Variants in ARHGAP39 observed in about 807,000 individuals in gnomAD.
ARHGAP39 encodes the protein rho GTPase-activating protein 39.
Under a neutral mutation model 106.9 loss-of-function variants are expected in ARHGAP39, and 44 were observed. That is an observed-to-expected ratio of 0.41 (90% CI 0.32 to 0.53). The LOEUF is 0.53. ARHGAP39 is among the 20% of genes least tolerant of loss of function. ARHGAP39 has a pLI of 0.21. For synonymous variants in ARHGAP39, 768 were observed against 693.2 expected (o/e 1.11, Z -1.69); for missense variants, 1,496 against 1,577.3 (o/e 0.95, Z 0.87).
intron 2 of ARHGAP39, among the ~76,000 whole-genome samples, chr8:144,605,064 T>G (rs986842232): frequency 6.6e-6 from 1 of 152,098 alleles, no homozygotes; most frequent in Admixed American, 6.5e-5. Context: ...CCCAGGAGTT[T>G]GAGACCAGCC....
intron 3 of ARHGAP39, among the ~76,000 whole-genome samples, chr8:144,569,527 AAG>A (rs1818513802): frequency 6.6e-6 from 1 of 152,220 alleles, no homozygotes; most frequent in Non-Finnish European, 1.5e-5. Flanking sequence ...ACAGACAAAA[AAG>A]AGTGCATACT....
the ARHGAP39 span, among the ~76,000 whole-genome samples, chr8:144,695,984 G>A: frequency 6.6e-6 from 1 of 152,160 alleles, no homozygotes; most frequent in Non-Finnish European, 1.5e-5. Flanking sequence ...CTAAGGGAGA[G>A]TCAATTCAGG....
chr8:144,657,428 C>G (rs1019325652), intron 1 of ARHGAP39, among the ~76,000 whole-genome samples: 1 of 152,114 alleles, frequency 6.6e-6, no homozygotes, highest in Non-Finnish European at 1.5e-5. Flanking sequence ...CTACTGCACT[C>G]CAGGCTGGGC....
intron 5 of ARHGAP39, among the ~76,000 whole-genome samples, 190 bp from the exon 6 acceptor site, chr8:144,546,000 A>C (rs907796966): frequency 2.0e-5 from 3 of 152,202 alleles, no homozygotes; most frequent in Admixed American, 6.5e-5. Context: ...CCACAGATGC[A>C]GCTGGGACGC....
At chr8:144,563,480 T>C (rs1444207490) in intron 3 of ARHGAP39, among the ~76,000 whole-genome samples, 2 of 152,088 alleles carry the variant, frequency 1.3e-5, no homozygotes, top group Non-Finnish European at 2.9e-5. Flanking sequence ...TCAACCACTA[T>C]TAAACACTGA....
rs985499245 is a variant in ARHGAP39, at chr8:144,552,966, G to A, written c.596+2594C>T. 5.3e-5 allele frequency among the ~76,000 whole-genome samples: 8 copies of A among 152,172 alleles called. No homozygotes were observed. In the East Asian group the frequency reaches 5.8e-4, roughly 11 times the overall value. ...CAGAGTGGGGCTTCCAAGGCCTTCCGAGCCCAGCGGGCCTGGCTGGCTCTC... is the reference window on the plus strand; with the variant it reads ...CAGAGTGGGGCTTCCAAGGCCTTCCAAGCCCAGCGGGCCTGGCTGGCTCTC... On this transcript the variant is annotated intron_variant, in intron 4 of 11. Transcript: ENST00000377307.
chr8:144,664,418 G>A (rs1428526706), intron 1 of ARHGAP39, among the ~76,000 whole-genome samples: 5 of 152,302 alleles, frequency 3.3e-5, no homozygotes, highest in Non-Finnish European at 2.9e-5. Flanking sequence ...GCAAGGCCAC[G>A]TAAACAGTGG....
chr8:144,639,144 T>C (rs1363151579), intron 1 of ARHGAP39, among the ~76,000 whole-genome samples: 1 of 152,018 alleles, frequency 6.6e-6, no homozygotes, highest in African/African-American at 2.4e-5. Flanking sequence ...CTGACCAACA[T>C]GGTGAAACTC....
rs552767749 is a variant in ARHGAP39 at position 144,644,318 on chromosome 8, G to C, written c.-81-38623C>G. 6.6e-6 allele frequency among the ~76,000 whole-genome samples: 1 copy of C among 152,298 alleles called. No individual in the cohort carries two copies. The highest frequency in any genetic ancestry group is 2.4e-5 in the African/African-American group (1 of 41,568). On this transcript the variant is annotated intron_variant, in intron 1 of 11. Coordinates refer to ENST00000377307, the MANE Select transcript of ARHGAP39 (RefSeq NM_025251.3). The surrounding 1 kb of genome is among the most constrained non-coding windows in gnomAD (Gnocchi z 4.8). ...CAAAAGAAAGCAGGCAACAAAGTCAGACACAAAAGATGACATATTGTAGGA... is the reference window on the plus strand; with the variant it reads ...CAAAAGAAAGCAGGCAACAAAGTCACACACAAAAGATGACATATTGTAGGA...
chr8:144,686,344 C>T (rs986591866), upstream of ARHGAP39, among the ~76,000 whole-genome samples: 3 of 152,152 alleles, frequency 2.0e-5, no homozygotes, highest in African/African-American at 7.2e-5. Flanking sequence ...CGGTAATTCA[C>T]TCAGCTGCAG....
intron 1 of ARHGAP39, among the ~76,000 whole-genome samples, chr8:144,658,388 C>T (rs1357575433): frequency 6.6e-6 from 1 of 152,148 alleles, no homozygotes; most frequent in African/African-American, 2.4e-5. Context: ...AATTCTCCTG[C>T]CTCAGCCTCC....
At position 144,585,508 on chromosome 8, in the gene ARHGAP39, T is replaced by C. The variant is rs1267156399; in HGVS notation, c.81-4231A>G. ...TTCCCCTCGTGCACTCTCTTGCCCT[T>C]AGCTCCAGGGCAACTCTCCCTGGAG... On this transcript the variant is annotated intron_variant, in intron 2 of 11. Coordinates refer to ENST00000377307, the MANE Select transcript of ARHGAP39 (RefSeq NM_025251.3). The surrounding 1 kb of genome is among the most constrained non-coding windows in gnomAD (Gnocchi z 4.6). Among the ~76,000 whole-genome samples the C allele has an allele frequency of 6.6e-6, 1 of 151,346 alleles. No homozygotes were observed. Among genetic ancestry groups the C allele is most frequent in the Non-Finnish European group, 1.5e-5 (1 of 67,952 alleles).
upstream of ARHGAP39, among the ~76,000 whole-genome samples, chr8:144,685,934 C>G (rs910517798): frequency 3.3e-5 from 5 of 150,652 alleles, no homozygotes; most frequent in African/African-American, 1.2e-4. Flanking sequence ...CCAGGGGGCA[C>G]TGCCTCGCGA....
At chr8:144,663,259 A>C (rs566058240) in intron 1 of ARHGAP39, among the ~76,000 whole-genome samples, 1 of 152,254 alleles carries the variant, frequency 6.6e-6, no homozygotes, top group Admixed American at 6.5e-5. Flanking sequence ...TTTAAAAAAA[A>C]GGTTTATTTG....
intron 1 of ARHGAP39, among the ~76,000 whole-genome samples, chr8:144,653,653 G>A (rs62529932): frequency 3.5e-4 from 53 of 152,286 alleles, no homozygotes; most frequent in Non-Finnish European, 7.2e-4. Flanking sequence ...TAGAAAAATC[G>A]AAGGACCTTC....
chr8:144,546,442 A>G (rs923594998), intron 5 of ARHGAP39, among the ~76,000 whole-genome samples: 9 of 152,176 alleles, frequency 5.9e-5, no homozygotes, highest in African/African-American at 1.9e-4. Context: ...CAGGCCCTCG[A>G]GGTCTCCCCA....
At chr8:144,619,974 G>A (rs1820751821) in intron 1 of ARHGAP39, among the ~76,000 whole-genome samples, 1 of 149,608 alleles carries the variant, frequency 6.7e-6, no homozygotes, top group Non-Finnish European at 1.5e-5. Context: ...GTGTGAGCCT[G>A]TGCATCTGAG....
chr8:144,605,703 A>T lies in ARHGAP39; in HGVS notation c.-81-8T>A. ...AGACGGGAAGGTGCCGCACTGCAAG[A>T]GGGGAGAAGCAACAGTGCTGATATG... On this transcript the variant is annotated splice_polypyrimidine_tract_variant and splice_region_variant and intron_variant, in intron 1 of 11. Transcript: ENST00000377307. 1 of 1,320,618 alleles carries T rather than the reference A, an allele frequency of 7.6e-7. No individual in the cohort carries two copies. Among genetic ancestry groups the T allele is most frequent in the South Asian group, 1.2e-5 (1 of 84,044 alleles). 81.8% of individuals were successfully genotyped at this position (1,320,618 alleles called of 1,614,324 possible).
intron 3 of ARHGAP39, among the ~76,000 whole-genome samples, chr8:144,577,039 G>A (rs1818803193): frequency 6.6e-6 from 1 of 152,192 alleles, no homozygotes; most frequent in Non-Finnish European, 1.5e-5. Context: ...TACACGCCAC[G>A]AATGTCTTTT....
Sources: allele counts gnomAD v4.1 joint callset (sites outside exome capture counted in the v4.1 genomes callset), GRCh38; gene constraint gnomAD v4.1.1; non-coding constraint Gnocchi (gnomAD v3.1); transcripts MANE v1.5; gene names NCBI Gene and HGNC (gene_info 2026-07-23, HGNC 2026-07-21).